The following AGO2 variants were observed in gnomAD, a reference collection of about 807,000 sequenced individuals.
The protein encoded by AGO2 is argonaute RISC catalytic component 2, also known as protein argonaute-2.
In AGO2, 5 loss-of-function variants were observed where a neutral mutation model predicts 102.3. The observed-to-expected ratio is 0.05, with a 90% CI of 0.03 to 0.10. The LOEUF is 0.10. AGO2 is among the 10% of genes least tolerant of loss of function. The pLI, the probability that AGO2 is intolerant of heterozygous loss-of-function variation, is 1.00. For synonymous variants in AGO2, 449 were observed against 473.1 expected, an observed-to-expected ratio of 0.95 and a Z score of 0.66; for missense variants, 541 against 1,183.7, an observed-to-expected ratio of 0.46 and a Z score of 7.97.
At chr8:140,546,418 C>T (rs72694436) in intron 13 of AGO2, among the ~76,000 whole-genome samples, 13 of 152,312 alleles carry the variant, frequency 8.5e-5, no homozygotes, top group Non-Finnish European at 1.8e-4. Context: ...GGGAACGAGC[C>T]CCGCTGGGGT....
chr8:140,532,170 A>G lies in AGO2; in HGVS notation c.2472-18T>C. ...CTTCAGCACTGCAGGGATGAGAGAGAGAGAGAATGAGAATGTGCAGCCTTA... is the reference window on the plus strand; with the variant it reads ...CTTCAGCACTGCAGGGATGAGAGAGGGAGAGAATGAGAATGTGCAGCCTTA... On this transcript the variant is annotated intron_variant, in intron 18 of 18. Transcript: ENST00000220592. 2 of 1,606,512 alleles carry G rather than the reference A, an allele frequency of 1.2e-6. No homozygotes were observed. Among genetic ancestry groups the G allele is most frequent in the African/African-American group, 2.7e-5 (2 of 74,844 alleles).
intron 3 of AGO2, among the ~76,000 whole-genome samples, chr8:140,569,802 C>G (rs1008809593): frequency 6.6e-6 from 1 of 152,140 alleles, no homozygotes; most frequent in African/African-American, 2.4e-5. Flanking sequence ...CACACAGGGG[C>G]TGGGATGAAG....
In AGO2 at chr8:140,565,349, G is replaced by C. The variant is rs1031485858; in HGVS notation, c.337-2715C>G. 5.4e-5 allele frequency among the ~76,000 whole-genome samples: 8 copies of C among 149,516 alleles called. No individual in the cohort carries two copies. The East Asian group carries it at 6.0e-4, about 11-fold the overall frequency. ...AGCTACTGGGGAGGCTGAGGCAGGA[G>C]AATGGCATGAACCTGGGAGGCAGAG... On this transcript the variant is annotated intron_variant, in intron 3 of 18. Transcript: ENST00000220592.
In AGO2 at chr8:140,572,518, C is replaced by T. The variant is rs1006628545; in HGVS notation, c.336+294G>A. On this transcript the variant is annotated intron_variant, in intron 3 of 18. Transcript: ENST00000220592. ...GTGCTTACTCTAAGCTCTTGTCTGG[C>T]GGTGGTTTGTGGCTTGTGTTTAGCA... 2.7e-5 allele frequency: 7 copies of T among 254,712 alleles called. 1 individual carries two copies. The highest frequency in any genetic ancestry group is 1.3e-4 in the African/African-American group (6 of 44,488). 15.8% of individuals were successfully genotyped at this position (254,712 alleles called of 1,614,324 possible).
chr8:140,526,282 A>G lies in AGO2; in HGVS notation c.*5762T>C, dbSNP rs1366970145. 1 of 152,246 alleles carries G rather than the reference A, an allele frequency of 6.6e-6. No individual in the cohort carries two copies. The highest frequency in any genetic ancestry group is 1.5e-5 in the Non-Finnish European group (1 of 68,040). 9.4% of individuals were successfully genotyped at this position (152,246 alleles called of 1,614,324 possible). On this transcript the variant is annotated 3_prime_UTR_variant, in exon 19 of 19. Transcript: ENST00000220592. This position sits in a 1 kb window ranked among gnomAD's most constrained non-coding sequence, Gnocchi z 5.2. The stretch of plus-strand genomic sequence containing the variant: ...AGTGCTTTCTTATATTAAATAGGAA[A>G]GTGAAAAGCCAGGCAGGACACAGGC...
At chr8:140,570,429 C>T (rs1428204326) in intron 3 of AGO2, among the ~76,000 whole-genome samples, 1 of 152,018 alleles carries the variant, frequency 6.6e-6, no homozygotes, top group Non-Finnish European at 1.5e-5. Flanking sequence ...GGGATTTAGT[C>T]ATGTTGGCCA....
chr8:140,534,717 A>T (rs2072664763), intron 17 of AGO2, among the ~76,000 whole-genome samples: 1 of 152,240 alleles, frequency 6.6e-6, no homozygotes, highest in Non-Finnish European at 1.5e-5. Flanking sequence ...ATCCTTTAGG[A>T]AGGGATATTC....
chr8:140,599,680 C>A (rs1250858492), intron 1 of AGO2, among the ~76,000 whole-genome samples: 1 of 152,182 alleles, frequency 6.6e-6, no homozygotes, highest in Non-Finnish European at 1.5e-5. Context: ...ATATGATCTA[C>A]ATCTCTTCAC....
chr8:140,525,909 CTG>C lies in AGO2; in HGVS notation c.*6133_*6134del, dbSNP rs1220913151. ...TTCAGAGCCTCCCAGGACCGACTTCCTGCAAGTCTGCATCAGACGGTCCACTG... is the reference window on the plus strand; with the variant it reads ...TTCAGAGCCTCCCAGGACCGACTTCCCAAGTCTGCATCAGACGGTCCACTG... On this transcript the variant is annotated 3_prime_UTR_variant, in exon 19 of 19. Transcript: ENST00000220592. 2 of 152,142 alleles carry C rather than the reference CTG, an allele frequency of 1.3e-5. No homozygotes were observed. Among genetic ancestry groups the C allele is most frequent in the African/African-American group, 4.8e-5 (2 of 41,438 alleles). 9.4% of individuals were successfully genotyped at this position (152,142 alleles called of 1,614,324 possible).
At chr8:140,553,395 A>G (rs2073036275) in intron 10 of AGO2, among the ~76,000 whole-genome samples, 1 of 146,618 alleles carries the variant, frequency 6.8e-6, no homozygotes, top group Non-Finnish European at 1.5e-5. Context: ...AACAAGTTAC[A>G]AGTTTTTTGT....
chr8:140,552,865 G>A (rs1030257688), intron 10 of AGO2, among the ~76,000 whole-genome samples: 13 of 152,148 alleles, frequency 8.5e-5, no homozygotes, highest in Non-Finnish European at 2.9e-5. Context: ...CCCTGTAGGC[G>A]ATCCCACTCA....
At position 140,542,696 on chromosome 8, in the gene AGO2, C is replaced by T. The variant is rs576931383; in HGVS notation, c.1840-1338G>A. 1.2e-4 allele frequency among the ~76,000 whole-genome samples: 19 copies of T among 152,312 alleles called. No homozygotes were observed. The South Asian group carries it at 2.1e-3, about 17-fold the overall frequency. On this transcript the variant is annotated intron_variant, in intron 14 of 18. Transcript: ENST00000220592. ...CAGGTGAGGTGGGGACAGGGGAGGGCGCCAGCCCGCTGTGCTGCGGGCTTT... is the reference window on the plus strand; with the variant it reads ...CAGGTGAGGTGGGGACAGGGGAGGGTGCCAGCCCGCTGTGCTGCGGGCTTT...
intron 12 of AGO2, among the ~76,000 whole-genome samples, chr8:140,548,314 TAAAA>T (rs34521232): frequency 7.4e-5 from 9 of 121,052 alleles, no homozygotes; most frequent in Admixed American, 1.8e-4. Flanking sequence ...AGCCCTTGTC[TAAAA>T]AAAAAAAAAA....
chr8:140,597,608 C>T (rs1465497484), intron 1 of AGO2, among the ~76,000 whole-genome samples: 1 of 152,006 alleles, frequency 6.6e-6, no homozygotes, highest in Non-Finnish European at 1.5e-5. Flanking sequence ...CAGGCTCACT[C>T]CTGTCAGCTT....
chr8:140,590,832 C>A (rs1053603927), intron 1 of AGO2, among the ~76,000 whole-genome samples: 1 of 152,162 alleles, frequency 6.6e-6, no homozygotes. Context: ...TGCTGGCCAT[C>A]AACCAGAGCC....
chr8:140,619,167 A>G (rs2074181862), intron 1 of AGO2, among the ~76,000 whole-genome samples: 1 of 152,106 alleles, frequency 6.6e-6, no homozygotes, highest in Non-Finnish European at 1.5e-5. Flanking sequence ...CACACAGTGT[A>G]TACAAGACAC....
rs916868150 is a variant in AGO2, at chr8:140,530,893, G to C, written c.*1151C>G. On this transcript the variant is annotated 3_prime_UTR_variant, in exon 19 of 19. Coordinates refer to ENST00000220592, the MANE Select transcript of AGO2 (RefSeq NM_012154.5). ...AATTTCCACTTGTGCTTCATCAGCTGAGTGAGTGACACACGGGGATGAGGC... is the reference window on the plus strand; with the variant it reads ...AATTTCCACTTGTGCTTCATCAGCTCAGTGAGTGACACACGGGGATGAGGC... The C allele has an allele frequency of 1.3e-5, 2 of 152,418 alleles. No individual in the cohort carries two copies. Among genetic ancestry groups the C allele is most frequent in the African/African-American group, 4.8e-5 (2 of 41,466 alleles). The allele number at this position is 152,418 out of a possible 1,614,324, so 9.4% of individuals were successfully genotyped here.
At chr8:140,581,837 TAC>T (rs769170916) in intron 2 of AGO2, among the ~76,000 whole-genome samples, 12 of 152,250 alleles carry the variant, frequency 7.9e-5, no homozygotes, top group Non-Finnish European at 1.8e-4. Context: ...TGTTTAGTTT[TAC>T]AGATATGAGA....
chr8:140,596,115 T>C (rs1031691825), intron 1 of AGO2, among the ~76,000 whole-genome samples: 3 of 149,792 alleles, frequency 2.0e-5, no homozygotes, highest in African/African-American at 4.9e-5. Flanking sequence ...TCCCAAAGTG[T>C]TGGGATTACA....
Sources: allele counts gnomAD v4.1 joint callset (sites outside exome capture counted in the v4.1 genomes callset), GRCh38; gene constraint gnomAD v4.1.1; non-coding constraint Gnocchi (gnomAD v3.1); transcripts MANE v1.5; gene names NCBI Gene and HGNC (gene_info 2026-07-23, HGNC 2026-07-21).